The following DENND3 variants were observed in gnomAD, a reference collection of about 807,000 sequenced individuals.
DENND3 encodes DENN domain-containing protein 3.
Under a neutral mutation model 135.1 loss-of-function variants are expected in DENND3, and 88 were observed. The ratio of observed to expected loss-of-function variants is 0.65; its 90% CI spans 0.55 to 0.78. The LOEUF is 0.78. Among genes scored for constraint, DENND3 ranks in the 30% least tolerant of loss-of-function variants. DENND3 has a pLI of 0.00. For missense variants in DENND3, 1,392 were observed against 1,688.4 expected, an observed-to-expected ratio of 0.82 and a Z score of 3.08; for synonymous variants, 693 against 712.3, an observed-to-expected ratio of 0.97 and a Z score of 0.43.
chr8:141,156,164 A>G (rs969869746), intron 8 of DENND3, among the ~76,000 whole-genome samples, 194 bp downstream of exon 8: 10 of 152,120 alleles, frequency 6.6e-5, no homozygotes, highest in Admixed American at 2.0e-4. Flanking sequence ...CAGTGGCGCA[A>G]TCTCGGCTCA....
At chr8:141,159,186 G>A (rs1819820383) in intron 8 of DENND3, among the ~76,000 whole-genome samples, 1 of 152,202 alleles carries the variant, frequency 6.6e-6, no homozygotes, top group Non-Finnish European at 1.5e-5. Context: ...CCCTGGCACC[G>A]CGTGCCTGCC....
In DENND3 at chr8:141,174,897, C is replaced by T. The variant is rs1822128957; in HGVS notation, c.2276-303C>T. 6.6e-6 allele frequency among the ~76,000 whole-genome samples: 1 copy of T among 152,194 alleles called. No individual in the cohort carries two copies. The highest frequency in any genetic ancestry group is 2.4e-5 in the African/African-American group (1 of 41,448). On this transcript the variant is annotated intron_variant, in intron 13 of 22. Coordinates refer to ENST00000519811, the MANE Select transcript of DENND3 (RefSeq NM_001352890.3). The surrounding 1 kb of genome is among the most constrained non-coding windows in gnomAD (Gnocchi z 4.6). ...TCCTTGTCCGGAAGGACTTTCCTAC[C>T]CAAAGGTAAGAGTTGCTGTGACTAC...
At chr8:141,136,912 CT>C in intron 2 of DENND3, 121 bp downstream of exon 2, 1 of 928,100 alleles carries the variant, frequency 1.1e-6, no homozygotes, top group Non-Finnish European at 1.5e-6. Flanking sequence ...GGACCCCTCA[CT>C]GCCTCCTCTT....
At chr8:141,185,048 G>GC in intron 17 of DENND3, 91 bp from the exon 18 acceptor site, 1 of 1,515,504 alleles carries the variant, frequency 6.6e-7, no homozygotes, top group East Asian at 2.3e-5. Flanking sequence ...GCTTAGGAGG[G>GC]CCCAGGAGGC....
intron 1 of DENND3, among the ~76,000 whole-genome samples, chr8:141,135,000 G>T (rs1001897563): frequency 2.6e-5 from 4 of 151,994 alleles, no homozygotes; most frequent in East Asian, 1.9e-4. Context: ...CACCAAGCCC[G>T]GCTAATTTTT....
At chr8:141,181,443 T>G (rs1823084858) in intron 17 of DENND3, among the ~76,000 whole-genome samples, 1 of 152,242 alleles carries the variant, frequency 6.6e-6, no homozygotes, top group Non-Finnish European at 1.5e-5. Context: ...TCATAGGAAC[T>G]GGAATGACAA....
chr8:141,146,980 G>A lies in DENND3; in HGVS notation c.735+2721G>A, dbSNP rs369984994. ...GGGTCAGCAGTAATGAGCTGCACTC[G>A]GCCTTTGAACATAAGGAATGCGTGC... is the stretch of plus-strand genomic sequence containing the variant. On this transcript the variant is annotated intron_variant, in intron 5 of 22. Coordinates refer to ENST00000519811, the MANE Select transcript of DENND3 (RefSeq NM_001352890.3). This position sits in a 1 kb window ranked among gnomAD's most constrained non-coding sequence, Gnocchi z 4.3. 2.2e-4 allele frequency among the ~76,000 whole-genome samples: 33 copies of A among 152,272 alleles called. No individual in the cohort carries two copies. The South Asian group carries it at 6.8e-3, about 32-fold the overall frequency.
rs1163034681 is a variant in DENND3, at chr8:141,136,546, T to C, written c.140T>C (p.Leu47Pro). The C allele has an allele frequency of 6.4e-7, 1 of 1,554,786 alleles. No individual in the cohort carries two copies. The change falls in exon 2 of 23, where the codon CTT becomes CCT. Residue 47 changes from leucine (L) to proline (P), a missense_variant. Coordinates refer to ENST00000519811, the MANE Select transcript of DENND3 (RefSeq NM_001352890.3). ...AAGGGAGTCAAACATCTTTCTGCTC[T>C]TCTTGATCCAGAGGTCCTGTCCATT... is the stretch of plus-strand genomic sequence containing the variant. ...YKKGVKHLSA[L>P]LDPEVLSIFV...
chr8:141,134,423 GT>G (rs984187226), intron 1 of DENND3, among the ~76,000 whole-genome samples: 1 of 151,172 alleles, frequency 6.6e-6, no homozygotes, highest in Non-Finnish European at 1.5e-5. Flanking sequence ...GCCTCTCCGA[GT>G]AGCTGGGACT....
Position 141,175,147 on chromosome 8 carries a change from C to T in DENND3, c.2276-53C>T. On this transcript the variant is annotated intron_variant, in intron 13 of 22. Coordinates refer to ENST00000519811, the MANE Select transcript of DENND3 (RefSeq NM_001352890.3). This position sits in a 1 kb window ranked among gnomAD's most constrained non-coding sequence, Gnocchi z 5.4. ...TCAGGTCATGGAGAAGCCCTTGGGG[C>T]TCCCGAGGTATGTGGCTGTAAGATA... 1 of 1,556,712 alleles carries T rather than the reference C, an allele frequency of 6.4e-7. No individual in the cohort carries two copies. Among genetic ancestry groups the T allele is most frequent in the South Asian group, 1.2e-5 (1 of 82,186 alleles).
intron 19 of DENND3, among the ~76,000 whole-genome samples, chr8:141,189,722 G>A (rs1824435138): frequency 6.6e-6 from 1 of 152,218 alleles, no homozygotes; most frequent in Non-Finnish European, 1.5e-5. Flanking sequence ...AGTGTCGGGG[G>A]CGCCTGTGTC....
At chr8:141,157,079 G>A (rs1160657237) in intron 8 of DENND3, among the ~76,000 whole-genome samples, 1 of 152,016 alleles carries the variant, frequency 6.6e-6, no homozygotes, top group Non-Finnish European at 1.5e-5. Flanking sequence ...ACTGTGCCCG[G>A]CCTGGCACTT....
intron 10 of DENND3, among the ~76,000 whole-genome samples, chr8:141,163,907 CAAAAAAAAAAAA>C (rs1157176340): frequency 1.8e-5 from 1 of 55,910 alleles, no homozygotes; most frequent in Non-Finnish European, 4.2e-5. Context: ...GACTCCGTCT[CAAAAAAAAAAAA>C]AAAAAAAAAG....
Position 141,186,184 on chromosome 8 carries a change from C to G in DENND3, c.3084+906C>G, listed in dbSNP as rs565547640. Among the ~76,000 whole-genome samples, 6 of 152,284 alleles carry G rather than the reference C, an allele frequency of 3.9e-5. No homozygotes were observed. In the South Asian group the frequency reaches 1.2e-3, roughly 32 times the overall value. ...ATGTCTTCCATCCTGTACTGCAGCA[C>G]TAAGGTTCCCAGGGACCAGGGCCTT... On this transcript the variant is annotated intron_variant, in intron 18 of 22. Coordinates refer to ENST00000519811, the MANE Select transcript of DENND3 (RefSeq NM_001352890.3).
At chr8:141,132,358 A>G (rs1379814869) in intron 1 of DENND3, among the ~76,000 whole-genome samples, 1 of 151,888 alleles carries the variant, frequency 6.6e-6, no homozygotes, top group Middle Eastern at 3.2e-3. Context: ...TTCTATATTT[A>G]TTATTTTTTT....
In DENND3 at chr8:141,192,490, C is replaced by T. The variant is rs377375281; in HGVS notation, c.3499-36C>T. 157 of 1,612,306 alleles carry T rather than the reference C, an allele frequency of 9.7e-5. 1 individual carries two copies. Among genetic ancestry groups the T allele is most frequent in the Non-Finnish European group, 1.1e-4 (125 of 1,179,010 alleles). On this transcript the variant is annotated intron_variant, in intron 21 of 22. Transcript: ENST00000519811. ...CTGTGGGCCCAGCATGTGCGTGGCC[C>T]GGGGCCCATAGCCCACACCGTGCCC...
chr8:141,176,758 C>T lies in DENND3; in HGVS notation c.2703C>T (p.His901=), dbSNP rs746440641. The T allele has an allele frequency of 7.4e-6, 12 of 1,612,730 alleles. No homozygotes were observed. The highest frequency in any genetic ancestry group is 9.3e-6 in the Non-Finnish European group (11 of 1,179,064). The change falls in exon 15 of 23, where the codon CAC becomes CAT. Residue 901 remains histidine (H), a synonymous_variant. Transcript: ENST00000519811. Reference sequence around the variant, plus strand: ...CTGGGAAGAAGCTGGCCGATGACCACAAGGTGGGAGACGCGGGTCCCCTCT... The same window carrying T: ...CTGGGAAGAAGCTGGCCGATGACCATAAGGTGGGAGACGCGGGTCCCCTCT... ...MWAGKKLADD[H]KDPHYVQQAL... is the part of the protein sequence containing the mutation.
chr8:141,177,979 A>G, intron 15 of DENND3, 88 bp from the exon 16 acceptor site: 1 of 1,444,756 alleles, frequency 6.9e-7, no homozygotes, highest in Non-Finnish European at 9.1e-7. Context: ...GCATTTTGGA[A>G]GGATTGTCCT....
At chr8:141,161,373 T>C (rs1263104822) in intron 9 of DENND3, among the ~76,000 whole-genome samples, 1 of 152,182 alleles carries the variant, frequency 6.6e-6, no homozygotes, top group East Asian at 1.9e-4. Flanking sequence ...TTTCTCCTCA[T>C]TCCACTAATT....
Sources: allele counts gnomAD v4.1 joint callset (sites outside exome capture counted in the v4.1 genomes callset), GRCh38; gene constraint gnomAD v4.1.1; non-coding constraint Gnocchi (gnomAD v3.1); transcripts MANE v1.5; gene names NCBI Gene and HGNC (gene_info 2026-07-23, HGNC 2026-07-21).